The following CCDC149 variants were observed in gnomAD, a reference collection of about 807,000 sequenced individuals.
CCDC149 encodes coiled-coil domain containing 149.
A neutral mutation model predicts 59.9 loss-of-function variants in CCDC149; 45 were observed. The observed-to-expected ratio is 0.75, with a 90% CI of 0.59 to 0.96. The LOEUF (loss-of-function observed/expected upper bound fraction) is 0.96, where lower values mean the gene tolerates loss of function less well. CCDC149 is among the 40% of genes least tolerant of loss of function. The pLI is 0.00. For missense variants in CCDC149, 584 were observed against 664.7 expected, an observed-to-expected ratio of 0.88 and a Z score of 1.33; for synonymous variants, 245 against 260.6, an observed-to-expected ratio of 0.94 and a Z score of 0.58.
chr4:24,861,678 T>C (rs1161211906), intron 3 of CCDC149, among the ~76,000 whole-genome samples: 1 of 152,144 alleles, frequency 6.6e-6, no homozygotes. Flanking sequence ...GGAGCATCTG[T>C]GTAACCATGG....
At chr4:24,853,277 T>C (rs577340371) in intron 3 of CCDC149, 98 bp from the exon 4 acceptor site, 253 of 871,962 alleles carry the variant, frequency 2.9e-4, no homozygotes, top group Middle Eastern at 1.1e-3. Context: ...CTAACCCCAG[T>C]TGAACCACAC....
At chr4:24,825,952 G>GTTGTT (rs1715711949) in intron 9 of CCDC149, among the ~76,000 whole-genome samples, 1 of 151,694 alleles carries the variant, frequency 6.6e-6, no homozygotes, top group South Asian at 2.1e-4. Context: ...GTTTTTTGTT[G>GTTGTT]TTGTTTTGTT....
intron 12 of CCDC149, among the ~76,000 whole-genome samples, chr4:24,817,968 T>C (rs1486096331): frequency 6.6e-6 from 1 of 152,082 alleles, no homozygotes; most frequent in African/African-American, 2.4e-5. Context: ...CTTTGGATTT[T>C]TGAGCATGGC....
At chr4:24,928,863 G>A (rs1486225955) in intron 1 of CCDC149, among the ~76,000 whole-genome samples, 2 of 152,136 alleles carry the variant, frequency 1.3e-5, no homozygotes, top group African/African-American at 4.8e-5. Flanking sequence ...CAAGAGGAAT[G>A]GGGTGAACTT....
chr4:24,974,148 T>G (rs1397482710), intron 1 of CCDC149, among the ~76,000 whole-genome samples: 1 of 152,220 alleles, frequency 6.6e-6, no homozygotes, highest in Non-Finnish European at 1.5e-5. Flanking sequence ...CAGCTCCTTT[T>G]GACAGTTTGC....
At chr4:24,863,989 C>A (rs73804445) in intron 3 of CCDC149, among the ~76,000 whole-genome samples, 3,934 of 151,976 alleles carry the variant, frequency 0.026, 161 homozygotes, top group African/African-American at 0.089. Context: ...GTTCCATCTG[C>A]GAGGGGCACC....
In CCDC149 at chr4:24,949,965, C is replaced by T. The variant is rs73250640; in HGVS notation, c.-65+30104G>A. On this transcript the variant is annotated intron_variant, in intron 1 of 12. Transcript: ENST00000389609. The stretch of plus-strand genomic sequence containing the variant: ...GAGGTGGCCGTGAAGAGAAGGATGG[C>T]GACAGAGGTCATAGGTTATGCCAAG... Among the ~76,000 whole-genome samples, 337 of 152,238 alleles carry T rather than the reference C, an allele frequency of 2.2e-3. 1 individual carries two copies. Among genetic ancestry groups the T allele is most frequent in the Non-Finnish European group, 4.4e-3 (299 of 68,010 alleles).
At chr4:24,820,498 T>G (rs1715321954) in intron 11 of CCDC149, among the ~76,000 whole-genome samples, 1 of 152,040 alleles carries the variant, frequency 6.6e-6, no homozygotes, top group African/African-American at 2.4e-5. Context: ...GACTCCTACT[T>G]TGGGAAAGAA....
At chr4:24,910,802 C>A (rs1438262751) in intron 1 of CCDC149, among the ~76,000 whole-genome samples, 2 of 152,160 alleles carry the variant, frequency 1.3e-5, no homozygotes, top group South Asian at 2.1e-4. Context: ...AGTTCCTTAG[C>A]CTGTCTGAGC....
chr4:24,889,953 C>T (rs575767306), intron 1 of CCDC149, among the ~76,000 whole-genome samples: 3 of 152,244 alleles, frequency 2.0e-5, no homozygotes, highest in South Asian at 2.1e-4. Context: ...GACCTGTAAT[C>T]GTGCTTCCAC....
chr4:24,866,275 T>C (rs899848567), intron 3 of CCDC149, among the ~76,000 whole-genome samples: 6 of 152,120 alleles, frequency 3.9e-5, no homozygotes, highest in African/African-American at 9.7e-5. Flanking sequence ...TCCTGGACCA[T>C]GAGAGATACC....
intron 1 of CCDC149, among the ~76,000 whole-genome samples, chr4:24,921,122 T>C (rs1722280196): frequency 6.6e-6 from 1 of 152,218 alleles, no homozygotes. Context: ...AATAAATGTT[T>C]GTTGAGCTCA....
chr4:24,908,508 A>G (rs1449156135), intron 1 of CCDC149, among the ~76,000 whole-genome samples: 4 of 148,634 alleles, frequency 2.7e-5, no homozygotes, highest in Non-Finnish European at 5.9e-5. Flanking sequence ...CAGCCTGGGC[A>G]ACATAGCAAG....
intron 4 of CCDC149, among the ~76,000 whole-genome samples, chr4:24,839,061 CAGAGAGAGAGAGAGAA>C (rs1220759406): frequency 2.6e-5 from 3 of 115,330 alleles, no homozygotes; most frequent in Non-Finnish European, 5.4e-5. Flanking sequence ...CACACACACA[CAGAGAGAGAGAGAGAA>C]AGAGAGAGAG....
chr4:24,969,276 G>T (rs1360649681), intron 1 of CCDC149, among the ~76,000 whole-genome samples: 1 of 152,200 alleles, frequency 6.6e-6, no homozygotes, highest in Non-Finnish European at 1.5e-5. Flanking sequence ...AAGGGTATAT[G>T]CATGCGCTAA....
At chr4:24,975,736 T>A (rs1724160713) in intron 1 of CCDC149, among the ~76,000 whole-genome samples, 1 of 151,970 alleles carries the variant, frequency 6.6e-6, no homozygotes, top group Non-Finnish European at 1.5e-5. Flanking sequence ...GTGTCAAGGG[T>A]GGTCCCCCAA....
At chr4:24,916,215 C>G (rs921618204), upstream of CCDC149, among the ~76,000 whole-genome samples, 2 of 152,120 alleles carry the variant, frequency 1.3e-5, no homozygotes, top group Non-Finnish European at 2.9e-5. Flanking sequence ...TTCATAGCCC[C>G]GGGACCAGTT....
At chr4:24,977,810 A>G (rs535416237) in intron 1 of CCDC149, among the ~76,000 whole-genome samples, 32 of 152,244 alleles carry the variant, frequency 2.1e-4, no homozygotes, top group Non-Finnish European at 4.6e-4. Context: ...AAAGCTCAAT[A>G]CACACATAGT....
chr4:24,851,712 T>C (rs1717668775), intron 4 of CCDC149, among the ~76,000 whole-genome samples: 1 of 152,222 alleles, frequency 6.6e-6, no homozygotes, highest in African/African-American at 2.4e-5. Context: ...AAGAAAACTA[T>C]TGCATACATT....
Sources: allele counts gnomAD v4.1 joint callset (sites outside exome capture counted in the v4.1 genomes callset), GRCh38; gene constraint gnomAD v4.1.1; transcripts MANE v1.5; gene names NCBI Gene and HGNC (gene_info 2026-07-23, HGNC 2026-07-21).